SLC1A2: variants seen among roughly 807,000 people sequenced by gnomAD.
The protein encoded by SLC1A2 is solute carrier family 1 member 2.
SLC1A2 carries 15 observed loss-of-function variants against 48.8 expected under a neutral mutation model. The observed-to-expected ratio is 0.31, with a 90% CI of 0.21 to 0.47. SLC1A2 has a LOEUF of 0.47. SLC1A2 is among the 20% of genes least tolerant of loss of function. The probability of loss-of-function intolerance (pLI) is 0.99; values close to 1 mark genes in which losing one functional copy is unlikely to be tolerated. For missense variants in SLC1A2, 502 were observed against 730.5 expected, an observed-to-expected ratio of 0.69 and a Z score of 3.61; for synonymous variants, 279 against 272.6, an observed-to-expected ratio of 1.02 and a Z score of -0.23.
At chr11:35,376,000 A>G (rs962404139) in intron 1 of SLC1A2, among the ~76,000 whole-genome samples, 1 of 152,216 alleles carries the variant, frequency 6.6e-6, no homozygotes, top group African/African-American at 2.4e-5. Context: ...TCCACAGTCC[A>G]TACTCCTAAC....
chr11:35,343,699 T>G (rs115058450), intron 1 of SLC1A2, among the ~76,000 whole-genome samples: 2 of 152,038 alleles, frequency 1.3e-5, no homozygotes, highest in African/African-American at 4.8e-5. Context: ...AGCAGTAGTA[T>G]TAGCATCCCC....
chr11:35,342,521 T>G (rs959852556), intron 1 of SLC1A2, among the ~76,000 whole-genome samples: 9 of 151,164 alleles, frequency 6.0e-5, no homozygotes, highest in Non-Finnish European at 1.2e-4. Context: ...GAGTGTTTTT[T>G]TTGTTGTTGT....
intron 1 of SLC1A2, among the ~76,000 whole-genome samples, chr11:35,320,383 C>T (rs1277531783): frequency 6.6e-6 from 1 of 152,166 alleles, no homozygotes; most frequent in African/African-American, 2.4e-5. Flanking sequence ...TAATTGTCTG[C>T]TTTATGTACA....
rs7938986 is a variant in SLC1A2 at position 35,301,737 on chromosome 11, T to C, written c.731-92A>G. The stretch of plus-strand genomic sequence containing the variant: ...TTACCATTCCCAATGTATGGAGCCA[T>C]GTTCTCACTGCTGGTTACCCTATGA... On this transcript the variant is annotated intron_variant, in intron 5 of 10. Transcript: ENST00000278379. The C allele has an allele frequency of 3.7e-4, 430 of 1,162,462 alleles. 4 individuals are homozygous for C. The African/African-American group carries it at 5.0e-3, about 14-fold the overall frequency. 72.0% of individuals were successfully genotyped at this position (1,162,462 alleles called of 1,614,324 possible).
chr11:35,389,151 T>G lies in SLC1A2; in HGVS notation c.17+29799A>C, dbSNP rs79814921. On this transcript the variant is annotated intron_variant, in intron 1 of 10. Transcript: ENST00000278379. ...CCAAAAACTGAGGGAAAAAAAATAT[T>G]TGTGGAAGAGTCAATAAAAGAATCA... 8.4e-3 allele frequency among the ~76,000 whole-genome samples: 1,279 copies of G among 152,204 alleles called. 85 individuals carry two copies. In the East Asian group the frequency reaches 0.16, roughly 19 times the overall value.
Position 35,258,335 on chromosome 11 carries a change from C to G in SLC1A2, c.*2559G>C, listed in dbSNP as rs1378950981. On this transcript the variant is annotated 3_prime_UTR_variant, in exon 11 of 11. Coordinates refer to ENST00000278379, the MANE Select transcript of SLC1A2 (RefSeq NM_004171.4). ...AGTTGTACACCTTGTTTCTTCCAAA[C>G]ACATTGTCTGCTGACATATTTACAG... 1 of 152,240 alleles carries G rather than the reference C, an allele frequency of 6.6e-6. No homozygotes were observed. Among genetic ancestry groups the G allele is most frequent in the African/African-American group, 2.4e-5 (1 of 41,462 alleles). 9.4% of individuals were successfully genotyped at this position (152,240 alleles called of 1,614,324 possible). A position where few individuals can be genotyped will look rare whatever the true frequency, so the allele number is the denominator to read the frequency against.
chr11:35,374,683 A>T (rs1854168151), intron 1 of SLC1A2, among the ~76,000 whole-genome samples: 1 of 152,254 alleles, frequency 6.6e-6, no homozygotes, highest in East Asian at 1.9e-4. Context: ...GGTTAAAAGT[A>T]TCTACTCACC....
chr11:35,301,404 A>T (rs1591445918), intron 6 of SLC1A2, 115 bp downstream of exon 6: 1 of 873,840 alleles, frequency 1.1e-6, no homozygotes, highest in African/African-American at 1.7e-5. Flanking sequence ...GTCTTTCTGG[A>T]AAGACATTTG....
At chr11:35,405,188 C>T (rs1443673503) in intron 1 of SLC1A2, among the ~76,000 whole-genome samples, 1 of 152,172 alleles carries the variant, frequency 6.6e-6, no homozygotes, top group African/African-American at 2.4e-5. Flanking sequence ...GAAAAGAACT[C>T]CATTTCAGGA....
chr11:35,365,554 C>G (rs552061005), intron 1 of SLC1A2, among the ~76,000 whole-genome samples: 1 of 152,056 alleles, frequency 6.6e-6, no homozygotes, highest in South Asian at 2.1e-4. Context: ...TGTGGGATCA[C>G]TCATCCGAAA....
intron 1 of SLC1A2, among the ~76,000 whole-genome samples, chr11:35,346,968 G>T (rs898790340): frequency 6.6e-6 from 1 of 152,228 alleles, no homozygotes; most frequent in African/African-American, 2.4e-5. Flanking sequence ...GATAAATAGG[G>T]TCAGATGGTG....
At chr11:35,265,474 T>A in intron 10 of SLC1A2, 53 bp downstream of exon 10, 14 of 833,524 alleles carry the variant, frequency 1.7e-5, no homozygotes, top group Non-Finnish European at 2.6e-5. Flanking sequence ...TTTAAAGAAA[T>A]CAAGCATGCA....
chr11:35,395,924 G>T (rs1199220570), intron 1 of SLC1A2, among the ~76,000 whole-genome samples: 1 of 146,688 alleles, frequency 6.8e-6, no homozygotes, highest in African/African-American at 2.6e-5. Context: ...AGAATATGCG[G>T]TGTTTGGTTT....
chr11:35,265,796 A>T, intron 9 of SLC1A2, 38 bp from the exon 10 acceptor site: 1 of 1,338,846 alleles, frequency 7.5e-7, no homozygotes, highest in Non-Finnish European at 1.1e-6. Flanking sequence ...GTGAGGAAGC[A>T]GTATTATGTG....
chr11:35,370,456 C>T (rs1279790751), intron 1 of SLC1A2, among the ~76,000 whole-genome samples: 1 of 152,192 alleles, frequency 6.6e-6, no homozygotes, highest in Non-Finnish European at 1.5e-5. Flanking sequence ...ACCTAAGTTA[C>T]TTCAGCTCTC....
At chr11:35,267,093 C>T (rs763357964) in intron 9 of SLC1A2, among the ~76,000 whole-genome samples, 12 of 152,200 alleles carry the variant, frequency 7.9e-5, no homozygotes, top group Non-Finnish European at 1.6e-4. Context: ...GGAGAATCTG[C>T]CTCAGTGTGA....
At chr11:35,278,261 C>CTGTTTTTTTT (rs1162067327) in intron 9 of SLC1A2, among the ~76,000 whole-genome samples, 1 of 133,660 alleles carries the variant, frequency 7.5e-6, no homozygotes, top group Non-Finnish European at 1.6e-5. Flanking sequence ...CTTCTTACTT[C>CTGTTTTTTTT]TGTTTTTTTT....
At chr11:35,409,127 GT>G (rs1855386221) in intron 1 of SLC1A2, among the ~76,000 whole-genome samples, 1 of 152,234 alleles carries the variant, frequency 6.6e-6, no homozygotes, top group Non-Finnish European at 1.5e-5. Context: ...ACCTTGGGTT[GT>G]GTGTACAAAA....
chr11:35,291,894 A>G (rs1317731327), intron 7 of SLC1A2: 1 of 171,832 alleles, frequency 5.8e-6, no homozygotes, highest in African/African-American at 2.4e-5. Context: ...AAATCTTCAA[A>G]GAGTAATATT....
Sources: allele counts gnomAD v4.1 joint callset (sites outside exome capture counted in the v4.1 genomes callset), GRCh38; gene constraint gnomAD v4.1.1; transcripts MANE v1.5; gene names NCBI Gene and HGNC (gene_info 2026-07-23, HGNC 2026-07-21).